Variants in SOS1 observed in about 807,000 individuals in gnomAD.
SOS1 encodes the protein son of sevenless homolog 1.
Under a neutral mutation model 157.6 loss-of-function variants are expected in SOS1, and 25 were observed. The ratio of observed to expected loss-of-function variants is 0.16; its 90% confidence interval spans 0.12 to 0.22. The LOEUF is 0.22. Among genes scored for constraint, SOS1 ranks in the 10% least tolerant of loss-of-function variants. SOS1 has a pLI of 1.00. For missense variants in SOS1, 1,237 were observed against 1,599.1 expected, an observed-to-expected ratio of 0.77 and a Z score of 3.86; for synonymous variants, 528 against 534.0, an observed-to-expected ratio of 0.99 and a Z score of 0.16.
At chr2:39,019,287 G>A (rs560825445) in intron 10 of SOS1, among the ~76,000 whole-genome samples, 46 of 151,678 alleles carry the variant, frequency 3.0e-4, no homozygotes, top group African/African-American at 1.1e-3. Context: ...CTACCAAACT[G>A]GACACAGCAC....
chr2:39,001,187 G>C (rs1448362599), intron 17 of SOS1, among the ~76,000 whole-genome samples: 1 of 152,144 alleles, frequency 6.6e-6, no homozygotes. Context: ...TCTGCCTCCC[G>C]AGTAAGCTGG....
chr2:39,070,879 T>A (rs1351189267), intron 1 of SOS1, among the ~76,000 whole-genome samples: 1 of 152,190 alleles, frequency 6.6e-6, no homozygotes, highest in African/African-American at 2.4e-5. Flanking sequence ...ATTTGTTTAT[T>A]TGAGATGGAG....
chr2:39,064,429 A>G (rs778284402), intron 2 of SOS1, among the ~76,000 whole-genome samples: 19 of 152,176 alleles, frequency 1.2e-4, no homozygotes, highest in Non-Finnish European at 2.8e-4. Context: ...TTCTTTTATC[A>G]GGAAATAATT....
intron 15 of SOS1, 102 bp downstream of exon 15, chr2:39,010,482 A>G (rs1669430393): frequency 9.1e-7 from 1 of 1,097,938 alleles, no homozygotes; most frequent in Admixed American, 1.7e-5. Context: ...AGCCTATGTG[A>G]CAGAGCAAAA....
chr2:39,080,867 G>A (rs1029748602), intron 1 of SOS1, among the ~76,000 whole-genome samples: 1 of 152,038 alleles, frequency 6.6e-6, no homozygotes, highest in African/African-American at 2.4e-5. Flanking sequence ...ATTGTGATAG[G>A]CTAGCTAAAA....
intron 2 of SOS1, among the ~76,000 whole-genome samples, chr2:39,065,876 A>C (rs1452790466): frequency 6.6e-6 from 1 of 152,202 alleles, no homozygotes; most frequent in African/African-American, 2.4e-5. Context: ...TGGAGCTTAC[A>C]TTCTAGTAGG....
intron 3 of SOS1, among the ~76,000 whole-genome samples, chr2:39,057,447 A>G (rs566221045): frequency 1.3e-4 from 20 of 152,104 alleles, no homozygotes; most frequent in Non-Finnish European, 2.8e-4. Flanking sequence ...CTTCAAAGAG[A>G]ATATGGGCTT....
At chr2:39,041,720 T>C (rs1466113409) in intron 6 of SOS1, among the ~76,000 whole-genome samples, 1 of 152,252 alleles carries the variant, frequency 6.6e-6, no homozygotes, top group African/African-American at 2.4e-5. Flanking sequence ...CATTCATTTG[T>C]GCTTCCCTTA....
At chr2:39,045,259 A>G (rs947215097) in intron 6 of SOS1, among the ~76,000 whole-genome samples, 2 of 130,676 alleles carry the variant, frequency 1.5e-5, no homozygotes, top group Admixed American at 8.2e-5. Flanking sequence ...AGAGAGAGAG[A>G]GAGAGAGAGA....
At chr2:39,000,339 C>T (rs183274852) in intron 17 of SOS1, among the ~76,000 whole-genome samples, 12 of 152,146 alleles carry the variant, frequency 7.9e-5, no homozygotes, top group Middle Eastern at 3.4e-3. Flanking sequence ...TCCCTATATA[C>T]ACATATATAG....
At chr2:39,054,902 C>A in intron 4 of SOS1, 79 bp from the exon 5 acceptor site, 1 of 807,656 alleles carries the variant, frequency 1.2e-6, no homozygotes, top group South Asian at 1.5e-5. Flanking sequence ...TCTAAGTTCT[C>A]TGAATAAAGT....
chr2:38,985,528 T>G lies in SOS1; in HGVS notation c.*296A>C, dbSNP rs1020104670. 14 of 380,706 alleles carry G rather than the reference T, an allele frequency of 3.7e-5. No individual in the cohort carries two copies. The highest frequency in any genetic ancestry group is 8.3e-5 in the African/African-American group (4 of 48,274). The allele number at this position is 380,706 out of a possible 1,614,324, so 23.6% of individuals were successfully genotyped here. On this transcript the variant is annotated 3_prime_UTR_variant, in exon 23 of 23. Coordinates refer to ENST00000402219, the MANE Select transcript of SOS1 (RefSeq NM_005633.4). ...CCTTTAATGATCACTTCACAAAAGA[T>G]CACTTCACAAAAAGAGGACTCCTGC...
intron 20 of SOS1, among the ~76,000 whole-genome samples, chr2:38,989,734 A>C (rs1423350996): frequency 6.6e-6 from 1 of 152,184 alleles, no homozygotes; most frequent in Non-Finnish European, 1.5e-5. Flanking sequence ...GTTACTAATT[A>C]TATGTCTTTC....
At chr2:39,021,634 T>G (rs1416323186) in intron 10 of SOS1, among the ~76,000 whole-genome samples, 1 of 151,294 alleles carries the variant, frequency 6.6e-6, no homozygotes, top group Non-Finnish European at 1.5e-5. Flanking sequence ...CAAAAGTACT[T>G]AGGATGAAAT....
At chr2:39,118,054 G>A (rs1444291759) in intron 1 of SOS1, among the ~76,000 whole-genome samples, 1 of 152,166 alleles carries the variant, frequency 6.6e-6, no homozygotes, top group African/African-American at 2.4e-5. Context: ...CTGTTCTCAA[G>A]GAGCATCCAA....
At chr2:39,074,757 C>T (rs1671907875) in intron 1 of SOS1, among the ~76,000 whole-genome samples, 1 of 151,560 alleles carries the variant, frequency 6.6e-6, no homozygotes, top group East Asian at 1.9e-4. Context: ...ATCCCAGCTA[C>T]TTGGGAGGCT....
chr2:39,006,708 GTA>G (rs554879696), intron 16 of SOS1, among the ~76,000 whole-genome samples, 179 bp from the exon 17 acceptor site: 263 of 152,252 alleles, frequency 1.7e-3, no homozygotes, highest in South Asian at 7.5e-3. Context: ...TAAACTTAAA[GTA>G]TGTGTGTGTG....
At chr2:39,010,315 CAAAA>C (rs113164980) in intron 15 of SOS1, among the ~76,000 whole-genome samples, 3 of 91,618 alleles carry the variant, frequency 3.3e-5, no homozygotes, top group African/African-American at 4.1e-5. Flanking sequence ...GACTCTGTCT[CAAAA>C]AAAAAAAAAA....
At chr2:39,106,590 C>CA (rs775720230) in intron 1 of SOS1, among the ~76,000 whole-genome samples, 1,464 of 30,940 alleles carry the variant, frequency 0.047, 17 homozygotes, top group Non-Finnish European at 0.079. Context: ...GACTCCGTCT[C>CA]AAAAAAAAAA....
Sources: gnomAD v4.1 joint callset for allele counts (sites outside exome capture counted in the v4.1 genomes callset) on GRCh38, gnomAD v4.1.1 for gene constraint, MANE v1.5 for transcripts, NCBI Gene and HGNC (gene_info 2026-07-23, HGNC 2026-07-21) for gene names.